SNTG1: variants seen among roughly 807,000 people sequenced by gnomAD.
SNTG1 encodes gamma-1-syntrophin.
SNTG1 carries 39 observed loss-of-function variants against 74.7 expected under a neutral mutation model. The observed-to-expected ratio is 0.52, with a 90% confidence interval of 0.40 to 0.68. SNTG1 has a LOEUF of 0.68. SNTG1 is among the 30% of genes least tolerant of loss of function. The pLI is 0.00. For synonymous variants in SNTG1, 254 were observed against 217.1 expected (o/e 1.17, Z -1.49); for missense variants, 685 against 609.5 (o/e 1.12, Z -1.30).
At position 50,567,607 on chromosome 8, in the gene SNTG1, C is replaced by A. The variant is rs187730201; in HGVS notation, c.810+14428C>A. 3.0e-3 allele frequency among the ~76,000 whole-genome samples: 461 copies of A among 151,958 alleles called. 1 individual carries two copies. Among genetic ancestry groups the A allele is most frequent in the Non-Finnish European group, 3.1e-3 (210 of 67,908 alleles). ...TAAACTGTTGTTTTTCCCCACCTGA[C>A]AAGAATTCTAGATGGTAGCATTTGC... On this transcript the variant is annotated intron_variant, in intron 12 of 18. Transcript: ENST00000642720.
At chr8:50,574,720 T>C (rs2094567160) in intron 12 of SNTG1, among the ~76,000 whole-genome samples, 2 of 152,160 alleles carry the variant, frequency 1.3e-5, no homozygotes, top group South Asian at 4.1e-4. Flanking sequence ...ATATAATAAC[T>C]TACGAATGGT....
chr8:50,140,483 G>T (rs144701912), intron 1 of SNTG1, among the ~76,000 whole-genome samples: 123 of 152,202 alleles, frequency 8.1e-4, no homozygotes, highest in African/African-American at 2.8e-3. Context: ...GTGTGTGTTT[G>T]CGAGAATGTG....
chr8:50,396,667 T>C (rs532119731), intron 3 of SNTG1, among the ~76,000 whole-genome samples: 11 of 152,350 alleles, frequency 7.2e-5, no homozygotes, highest in African/African-American at 2.6e-4. Context: ...TTTTTGTAGT[T>C]TGTCATTTCT....
chr8:50,764,140 T>C (rs1188820702), intron 18 of SNTG1, among the ~76,000 whole-genome samples: 2 of 151,770 alleles, frequency 1.3e-5, no homozygotes, highest in Non-Finnish European at 2.9e-5. Flanking sequence ...GAGAATGAAA[T>C]TGGGTTCTTA....
At chr8:50,171,545 A>G (rs1340829342) in intron 1 of SNTG1, among the ~76,000 whole-genome samples, 2 of 152,114 alleles carry the variant, frequency 1.3e-5, no homozygotes, top group Admixed American at 1.3e-4. Flanking sequence ...ACTGACTCAA[A>G]TGTTAATCTA....
intron 2 of SNTG1, among the ~76,000 whole-genome samples, chr8:50,272,657 T>C (rs1279016878): frequency 6.6e-6 from 1 of 152,202 alleles, no homozygotes. Context: ...AGTATCAGAC[T>C]AGAAGAAAAG....
intron 13 of SNTG1, among the ~76,000 whole-genome samples, chr8:50,620,097 A>T (rs1386067729): frequency 6.6e-6 from 1 of 152,022 alleles, no homozygotes. Flanking sequence ...AGGGGATCTA[A>T]GGGAGACTTG....
chr8:50,135,645 A>T (rs1031385887), intron 1 of SNTG1, among the ~76,000 whole-genome samples: 1 of 152,108 alleles, frequency 6.6e-6, no homozygotes, highest in Admixed American at 6.5e-5. Context: ...AAATTCAATG[A>T]ATTTTATTTC....
chr8:50,480,982 T>C (rs1393885317), intron 8 of SNTG1, among the ~76,000 whole-genome samples: 1 of 152,216 alleles, frequency 6.6e-6, no homozygotes, highest in African/African-American at 2.4e-5. Flanking sequence ...TCCTCTTGTA[T>C]ATAAAAAGTA....
At chr8:50,188,161 T>C (rs1004401659) in intron 2 of SNTG1, among the ~76,000 whole-genome samples, 3 of 152,160 alleles carry the variant, frequency 2.0e-5, no homozygotes, top group African/African-American at 7.2e-5. Flanking sequence ...ATCTTTATGG[T>C]GTTCCATTCA....
chr8:50,591,879 A>T (rs1445228376), intron 13 of SNTG1, among the ~76,000 whole-genome samples: 1 of 152,164 alleles, frequency 6.6e-6, no homozygotes, highest in African/African-American at 2.4e-5. Context: ...GGATAAATGC[A>T]GAGGTTGGAG....
At chr8:50,397,036 A>G (rs1321016990) in intron 3 of SNTG1, among the ~76,000 whole-genome samples, 2 of 152,226 alleles carry the variant, frequency 1.3e-5, no homozygotes, top group Non-Finnish European at 1.5e-5. Flanking sequence ...TAATTCCTTT[A>G]AGCAAATAGT....
intron 13 of SNTG1, among the ~76,000 whole-genome samples, chr8:50,634,671 T>C (rs2095027331): frequency 6.6e-6 from 1 of 152,182 alleles, no homozygotes; most frequent in African/African-American, 2.4e-5. Context: ...TTAGCTTTTT[T>C]GTCTATTTTA....
chr8:50,154,553 C>G (rs2082190481), intron 1 of SNTG1, among the ~76,000 whole-genome samples: 1 of 152,104 alleles, frequency 6.6e-6, no homozygotes, highest in Non-Finnish European at 1.5e-5. Context: ...GCCACTGTAA[C>G]CAAGAGGGCA....
chr8:50,156,395 T>C (rs561580898), intron 1 of SNTG1, among the ~76,000 whole-genome samples: 1 of 152,196 alleles, frequency 6.6e-6, no homozygotes, highest in South Asian at 2.1e-4. Context: ...TGAAATATTG[T>C]CAGATCTCAT....
intron 18 of SNTG1, among the ~76,000 whole-genome samples, chr8:50,778,337 T>C (rs745813977): frequency 1.9e-4 from 29 of 152,318 alleles, no homozygotes; most frequent in Non-Finnish European, 3.5e-4. Flanking sequence ...AAAGTGTTCC[T>C]ATTCCTCCAC....
intron 16 of SNTG1, among the ~76,000 whole-genome samples, chr8:50,705,018 C>T (rs1259376915): frequency 6.6e-6 from 1 of 152,134 alleles, no homozygotes; most frequent in Non-Finnish European, 1.5e-5. Context: ...ATTACTCTGA[C>T]TTAAATCTAA....
intron 1 of SNTG1, among the ~76,000 whole-genome samples, chr8:49,997,326 T>C (rs1380961477): frequency 1.3e-5 from 2 of 152,146 alleles, no homozygotes; most frequent in African/African-American, 4.8e-5. Flanking sequence ...ATATCTTTAG[T>C]CCCCATGCCT....
At chr8:50,331,029 A>G (rs896772025) in intron 2 of SNTG1, among the ~76,000 whole-genome samples, 4 of 152,106 alleles carry the variant, frequency 2.6e-5, no homozygotes, top group African/African-American at 7.2e-5. Context: ...TACAGGTAAT[A>G]TTTTTCTAGC....
Sources: gnomAD v4.1 joint callset for allele counts (sites outside exome capture counted in the v4.1 genomes callset) on GRCh38, gnomAD v4.1.1 for gene constraint, MANE v1.5 for transcripts, NCBI Gene and HGNC (gene_info 2026-07-23, HGNC 2026-07-21) for gene names.